The following CCR10 variants were observed in gnomAD, a reference collection of about 807,000 sequenced individuals.
The protein encoded by CCR10 is C-C chemokine receptor type 10.
Under a neutral mutation model 11.9 loss-of-function variants are expected in CCR10, and 11 were observed. That is an observed-to-expected ratio of 0.92 (90% CI 0.58 to 1.53). The LOEUF (loss-of-function observed/expected upper bound fraction) is 1.53, where lower values mean the gene tolerates loss of function less well. CCR10 is among the 40% of genes most tolerant of loss of function. The pLI is 0.00. For synonymous variants in CCR10, 224 were observed against 245.4 expected, an observed-to-expected ratio of 0.91 and a Z score of 0.81; for missense variants, 428 against 496.6, an observed-to-expected ratio of 0.86 and a Z score of 1.31.
intron 1 of CCR10, chr17:42,681,453 C>G: frequency 2.7e-6 from 1 of 372,856 alleles, no homozygotes; most frequent in Non-Finnish European, 4.9e-6. Flanking sequence ...GTTTCTGTTT[C>G]TCTTCTTTCC....
At position 42,679,666 on chromosome 17, in the gene CCR10, G is replaced by A. The variant is rs61730696; in HGVS notation, c.976C>T (p.Arg326Trp). Reference sequence around the variant, plus strand: ...GGCCCTGAGGGGCAGCTCCCACCCCGTAGCAGCCTCCGCAGGTCCTGGCGG... The same window carrying A: ...GGCCCTGAGGGGCAGCTCCCACCCCATAGCAGCCTCCGCAGGTCCTGGCGG... ...RFRQDLRRLL[R>W]GGSCPSGPQP... The change falls in exon 2 of 2, where the codon CGG becomes TGG. Residue 326 changes from arginine to tryptophan, a missense_variant. Arg to Trp is a moderately radical substitution (Grantham distance 101). Transcript: ENST00000332438. The A allele has an allele frequency of 6.3e-3, 9,472 of 1,512,306 alleles. 306 individuals carry two copies. The African/African-American group carries it at 0.089, about 14-fold the overall frequency. The allele number at this position is 1,512,306 out of a possible 1,614,324, so 93.7% of individuals were successfully genotyped here.
At position 42,679,632 on chromosome 17, in the gene CCR10, C is replaced by G. The variant is rs113100096; in HGVS notation, c.1010G>C (p.Arg337Pro). 2 of 1,481,184 alleles carry G rather than the reference C, an allele frequency of 1.4e-6. No individual in the cohort carries two copies. Among genetic ancestry groups the G allele is most frequent in the Non-Finnish European group, 1.8e-6 (2 of 1,120,758 alleles). 91.8% of individuals were successfully genotyped at this position (1,481,184 alleles called of 1,614,324 possible). ...GGSCPSGPQPRRGCPRRPRLS... is the reference protein window; with the variant it reads ...GGSCPSGPQPPRGCPRRPRLS... ...GCGGGGCCGGCGGGGGCAGCCGCGG[C>G]GGGGTTGAGGCCCTGAGGGGCAGCT... is the stretch of plus-strand genomic sequence containing the variant. The change falls in exon 2 of 2, where the codon CGC becomes CCC. Residue 337 changes from arginine to proline, a missense_variant. Transcript: ENST00000332438.
At position 42,679,889 on chromosome 17, in the gene CCR10, A is replaced by T; in HGVS notation, c.753T>A (p.Ala251=). The change falls in exon 2 of 2, where the codon GCT becomes GCA. Residue 251 remains alanine, a synonymous_variant. Coordinates refer to ENST00000332438, the MANE Select transcript of CCR10 (RefSeq NM_016602.3). ...GCAGCACCACGAAGGCCGCCACCAG[A>T]GCCACCACGACGCGCAGCGCACGCC... ...ERRRALRVVV[A]LVAAFVVLQL... 2 of 1,583,084 alleles carry T rather than the reference A, an allele frequency of 1.3e-6. No individual in the cohort carries two copies. Among genetic ancestry groups the T allele is most frequent in the Non-Finnish European group, 1.7e-6 (2 of 1,170,366 alleles).
At position 42,680,214 on chromosome 17, in the gene CCR10, G is replaced by A. The variant is rs2052912075; in HGVS notation, c.428C>T (p.Ala143Val). 6.2e-7 allele frequency: 1 copy of A among 1,601,256 alleles called. No homozygotes were observed. Among genetic ancestry groups the A allele is most frequent in the Non-Finnish European group, 8.5e-7 (1 of 1,174,664 alleles). Residue 143 changes from alanine (A) to valine (V), a missense_variant, in exon 2 of 2, where the codon GCG becomes GTG. Coordinates refer to ENST00000332438, the MANE Select transcript of CCR10 (RefSeq NM_016602.3). Reference protein sequence around the residue: ...CISADRYVAIARALPAGPRPS... With the variant: ...CISADRYVAIVRALPAGPRPS... Reference sequence around the variant, plus strand: ...CCGCGGCCCGGCTGGGAGCGCTCGCGCGATGGCCACGTAGCGGTCGGCGCT... The same window carrying A: ...CCGCGGCCCGGCTGGGAGCGCTCGCACGATGGCCACGTAGCGGTCGGCGCT...
In CCR10 at chr17:42,679,650, G is replaced by A; in HGVS notation, c.992C>T (p.Pro331Leu). 1 of 1,499,966 alleles carries A rather than the reference G, an allele frequency of 6.7e-7. No homozygotes were observed. Among genetic ancestry groups the A allele is most frequent in the Non-Finnish European group, 8.9e-7 (1 of 1,129,418 alleles). The allele number at this position is 1,499,966 out of a possible 1,614,324, so 92.9% of individuals were successfully genotyped here. A position where few individuals can be genotyped will look rare whatever the true frequency, so the allele number is the denominator to read the frequency against. ...LRRLLRGGSC[P>L]SGPQPRRGCP... ...GCCGCGGCGGGGTTGAGGCCCTGAG[G>A]GGCAGCTCCCACCCCGTAGCAGCCT... Residue 331 changes from proline (P) to leucine (L), a missense_variant, in exon 2 of 2, where the codon CCC becomes CTC. By Grantham distance (98) the Pro-to-Leu change is moderately conservative (BLOSUM62 -3). Coordinates refer to ENST00000332438, the MANE Select transcript of CCR10 (RefSeq NM_016602.3).
chr17:42,680,839 G>C (rs2052922916), intron 1 of CCR10, among the ~76,000 whole-genome samples: 1 of 152,246 alleles, frequency 6.6e-6, no homozygotes, highest in East Asian at 1.9e-4. Context: ...GGGTGACCTT[G>C]AGCAAGCCAC....
In CCR10 at chr17:42,679,908, G is replaced by C; in HGVS notation, c.734C>G (p.Ala245Gly). ...CACCAGAGCCACCACGACGCGCAGC[G>C]CACGCCGGCGCTCGGGCCCCCTGGC... ...LAARGPERRR[A>G]LRVVVALVAA... Residue 245 changes from alanine to glycine, a missense_variant, in exon 2 of 2, where the codon GCG becomes GGG. Physicochemically the swap from Ala to Gly is moderately conservative, Grantham distance 60. Transcript: ENST00000332438. The C allele has an allele frequency of 6.4e-7, 1 of 1,559,812 alleles. No homozygotes were observed. Among genetic ancestry groups the C allele is most frequent in the Non-Finnish European group, 8.6e-7 (1 of 1,159,196 alleles).
chr17:42,680,133 AG>A lies in CCR10; in HGVS notation c.508del (p.Leu170CysfsTer34). On this transcript the variant is annotated frameshift_variant, in exon 2 of 2. Transcript: ENST00000332438. LOFTEE classifies it high-confidence loss of function. ...LVSVIVWLLS[L>X]LLALPALLFS... The stretch of plus-strand genomic sequence containing the variant: ...GAGCAGCGCAGGCAGCGCCAGGAGC[AG>A]TGACAGCAGCCACACGATGACGGAG... 6.2e-7 allele frequency: 1 copy of A among 1,612,296 alleles called. No homozygotes were observed. Among genetic ancestry groups the A allele is most frequent in the South Asian group, 1.1e-5 (1 of 91,046 alleles).
At position 42,679,475 on chromosome 17, in the gene CCR10, T is replaced by G; in HGVS notation, c.*78A>C. ...CACAGAGGTAGTCCCTTTAGGTCCC[T>G]GCCTCTTTCTCAGTGTTCCCCCACC... On this transcript the variant is annotated 3_prime_UTR_variant, in exon 2 of 2. Transcript: ENST00000332438. The G allele has an allele frequency of 1.9e-6, 2 of 1,035,396 alleles. No homozygotes were observed. Among genetic ancestry groups the G allele is most frequent in the Non-Finnish European group, 2.7e-6 (2 of 734,546 alleles). The allele number at this position is 1,035,396 out of a possible 1,614,324, so 64.1% of individuals were successfully genotyped here.
chr17:42,681,540 G>A (rs140613729), intron 1 of CCR10: 146 of 578,754 alleles, frequency 2.5e-4, no homozygotes, highest in African/African-American at 2.5e-3. Flanking sequence ...CCAGGGTTGG[G>A]ACTCAGGTTT....
intron 1 of CCR10, among the ~76,000 whole-genome samples, chr17:42,681,180 T>C (rs2052928965): frequency 6.6e-6 from 1 of 151,994 alleles, no homozygotes; most frequent in Admixed American, 6.6e-5. Flanking sequence ...CACGCCCAGC[T>C]AATTTTTGTA....
Position 42,679,632 on chromosome 17 carries a change from C to A in CCR10, c.1010G>T (p.Arg337Leu). ...GCGGGGCCGGCGGGGGCAGCCGCGG[C>A]GGGGTTGAGGCCCTGAGGGGCAGCT... Reference protein sequence around the residue: ...GGSCPSGPQPRRGCPRRPRLS... With the variant: ...GGSCPSGPQPLRGCPRRPRLS... The change falls in exon 2 of 2, where the codon CGC becomes CTC. Residue 337 changes from arginine to leucine, a missense_variant. By Grantham distance (102) the Arg-to-Leu change is moderately radical. Transcript: ENST00000332438. 1 of 1,481,184 alleles carries A rather than the reference C, an allele frequency of 6.8e-7. No homozygotes were observed. Among genetic ancestry groups the A allele is most frequent in the South Asian group, 1.4e-5 (1 of 71,094 alleles). 91.8% of individuals were successfully genotyped at this position (1,481,184 alleles called of 1,614,324 possible).
chr17:42,680,026 C>A lies in CCR10; in HGVS notation c.616G>T (p.Ala206Ser). 1.9e-6 allele frequency: 3 copies of A among 1,587,088 alleles called. No homozygotes were observed. The highest frequency in any genetic ancestry group is 1.7e-6 in the Non-Finnish European group (2 of 1,171,608). ...PEGLTQTVKG[A>S]SAVAQVALGF... is the part of the protein sequence containing the mutation. ...AGGGCCACCTGCGCCACGGCGCTCG[C>A]CCCCTTCACCGTCTGCGTGAGGCCC... Residue 206 changes from alanine to serine, a missense_variant, in exon 2 of 2, where the codon GCG becomes TCG. Transcript: ENST00000332438.
At chr17:42,680,690 C>T (rs1479587541) in intron 1 of CCR10, 73 bp from the exon 2 acceptor site, 44 of 1,096,254 alleles carry the variant, frequency 4.0e-5, no homozygotes, top group South Asian at 6.0e-5. Context: ...CCACACTTGC[C>T]TTCCAAGCTG....
At chr17:42,680,937 T>C (rs2143637064) in intron 1 of CCR10, among the ~76,000 whole-genome samples, 1 of 152,258 alleles carries the variant, frequency 6.6e-6, no homozygotes, top group South Asian at 2.1e-4. Flanking sequence ...GCTGTGAAGA[T>C]GGCAATATGG....
rs2052908939 is a variant in CCR10, at chr17:42,680,072, G to C, written c.570C>G (p.Arg190=). 6.2e-7 allele frequency: 1 copy of C among 1,606,592 alleles called. No homozygotes were observed. Among genetic ancestry groups the C allele is most frequent in the South Asian group, 1.1e-5 (1 of 90,338 alleles). The change falls in exon 2 of 2, where the codon CGC becomes CGG. Residue 190 remains arginine (R), a synonymous_variant. Coordinates refer to ENST00000332438, the MANE Select transcript of CCR10 (RefSeq NM_016602.3). ...GGCCCTCGGGGAAGATGAGGCGACAGCGTCGTTGGCCTTCCCGCTGCCCAT... is the reference window on the plus strand; with the variant it reads ...GGCCCTCGGGGAAGATGAGGCGACACCGTCGTTGGCCTTCCCGCTGCCCAT... The part of the protein sequence containing the change: ...SQDGQREGQR[R]CRLIFPEGLT...
chr17:42,681,016 TTTA>T (rs905299035), intron 1 of CCR10, among the ~76,000 whole-genome samples: 3 of 151,806 alleles, frequency 2.0e-5, no homozygotes, highest in Admixed American at 1.3e-4. Flanking sequence ...ATTATTATTA[TTTA>T]TTATTATTAT....
At chr17:42,681,520 A>C in intron 1 of CCR10, 2 of 554,316 alleles carry the variant, frequency 3.6e-6, no homozygotes, top group Non-Finnish European at 6.5e-6. Flanking sequence ...CACTCATGCC[A>C]AGGGGGTCTC....
rs994745346 is a variant in CCR10 at position 42,679,907 on chromosome 17, C to G, written c.735G>C (p.Ala245=). The G allele has an allele frequency of 1.9e-6, 3 of 1,559,250 alleles. No individual in the cohort carries two copies. Among genetic ancestry groups the G allele is most frequent in the Non-Finnish European group, 2.6e-6 (3 of 1,158,930 alleles). The change falls in exon 2 of 2, where the codon GCG becomes GCC. Residue 245 remains alanine (A), a synonymous_variant. Transcript: ENST00000332438. Reference sequence around the variant, plus strand: ...CCACCAGAGCCACCACGACGCGCAGCGCACGCCGGCGCTCGGGCCCCCTGG... The same window carrying G: ...CCACCAGAGCCACCACGACGCGCAGGGCACGCCGGCGCTCGGGCCCCCTGG... ...LAARGPERRR[A]LRVVVALVAA...
Sources: allele counts gnomAD v4.1 joint callset (sites outside exome capture counted in the v4.1 genomes callset), GRCh38; gene constraint gnomAD v4.1.1; transcripts MANE v1.5; gene names NCBI Gene and HGNC (gene_info 2026-07-23, HGNC 2026-07-21).